The following RAPGEF1 variants were observed in gnomAD, a reference collection of about 807,000 sequenced individuals.
RAPGEF1 encodes the protein Rap guanine nucleotide exchange factor 1, also known as CRK SH3-binding GNRP.
RAPGEF1 carries 33 observed loss-of-function variants against 143.3 expected under a neutral mutation model. That is an observed-to-expected ratio of 0.23 (90% confidence interval 0.17 to 0.31). RAPGEF1 has a LOEUF of 0.31. RAPGEF1 is among the 10% of genes least tolerant of loss of function. The pLI, the probability that RAPGEF1 is intolerant of heterozygous loss-of-function variation, is 1.00. For missense variants in RAPGEF1, 1,199 were observed against 1,645.4 expected, an observed-to-expected ratio of 0.73 and a Z score of 4.69; for synonymous variants, 629 against 676.5, an observed-to-expected ratio of 0.93 and a Z score of 1.09.
chr9:131,708,111 C>T (rs558131798), intron 1 of RAPGEF1, among the ~76,000 whole-genome samples: 1 of 152,210 alleles, frequency 6.6e-6, no homozygotes. Flanking sequence ...AAATTAGCAT[C>T]CCACCTACTT....
rs772044608 is a variant in RAPGEF1, at chr9:131,584,506, G to C, written c.3312+12C>G. 5.4e-5 allele frequency: 87 copies of C among 1,613,824 alleles called. 1 individual carries two copies. In the South Asian group the frequency reaches 8.6e-4, roughly 16 times the overall value. The stretch of plus-strand genomic sequence containing the variant: ...GATGATGGGGGCCTGGGAAGGACTT[G>C]GCCACCATTACCTTCATGATCTTGA... On this transcript the variant is annotated intron_variant, in intron 23 of 26. Transcript: ENST00000683357. This position sits in a 1 kb window ranked among gnomAD's most constrained non-coding sequence, Gnocchi z 6.8.
intron 1 of RAPGEF1, among the ~76,000 whole-genome samples, chr9:131,739,058 C>G (rs1319589782): frequency 4.6e-5 from 7 of 152,212 alleles, no homozygotes; most frequent in Non-Finnish European, 1.5e-5. Context: ...TGGGGCCCCA[C>G]AGGCTCGACA....
In RAPGEF1 at chr9:131,583,523, G is replaced by C. The variant is rs921292030; in HGVS notation, c.3414+788C>G. ...CCTGACATGACCTCTGGGTGGTCTG[G>C]TCACACTCAGGTCCCTGACACAATC... On this transcript the variant is annotated intron_variant, in intron 24 of 26. Transcript: ENST00000683357. This position sits in a 1 kb window ranked among gnomAD's most constrained non-coding sequence, Gnocchi z 4.7. Among the ~76,000 whole-genome samples the C allele has an allele frequency of 2.0e-5, 3 of 149,852 alleles. No homozygotes were observed. The highest frequency in any genetic ancestry group is 7.4e-5 in the African/African-American group (3 of 40,536).
chr9:131,709,764 AAGGG>A (rs1835375270), intron 1 of RAPGEF1: 1 of 1,605,302 alleles, frequency 6.2e-7, no homozygotes, highest in African/African-American at 1.3e-5. Context: ...CACTGGCTGA[AAGGG>A]GATATCTCTT....
At chr9:131,649,919 A>G (rs767037240) in intron 3 of RAPGEF1, among the ~76,000 whole-genome samples, 5 of 152,184 alleles carry the variant, frequency 3.3e-5, no homozygotes, top group Non-Finnish European at 7.3e-5. Context: ...CTTTTGCCAC[A>G]AAGCTCTCTC....
chr9:131,655,828 C>G lies in RAPGEF1; in HGVS notation c.62-4879G>C, dbSNP rs1972315258. 6.6e-6 allele frequency among the ~76,000 whole-genome samples: 1 copy of G among 152,174 alleles called. No individual in the cohort carries two copies. Among genetic ancestry groups the G allele is most frequent in the African/African-American group, 2.4e-5 (1 of 41,426 alleles). ...GGTCTCGATCTCCTGACCTCGTGAT[C>G]CACCTGCCTTGGCCTCCCAAAGTGC... On this transcript the variant is annotated intron_variant, in intron 1 of 26. Transcript: ENST00000683357. This position sits in a 1 kb window ranked among gnomAD's most constrained non-coding sequence, Gnocchi z 4.1.
intron 16 of RAPGEF1, among the ~76,000 whole-genome samples, 154 bp from the exon 17 acceptor site, chr9:131,596,527 C>T (rs1051204601): frequency 1.1e-4 from 17 of 152,320 alleles, no homozygotes; most frequent in South Asian, 4.1e-4. Flanking sequence ...AGTGTGGCTG[C>T]GCTGCGAAGC....
chr9:131,737,541 C>T (rs1477871224), intron 1 of RAPGEF1: 1 of 1,607,882 alleles, frequency 6.2e-7, no homozygotes, highest in Non-Finnish European at 8.5e-7. Flanking sequence ...AGAAAAGGCC[C>T]AAGGACAAAC....
chr9:131,657,498 T>A (rs1972798755), intron 1 of RAPGEF1, among the ~76,000 whole-genome samples: 5 of 152,198 alleles, frequency 3.3e-5, no homozygotes, highest in Admixed American at 3.3e-4. Context: ...CATACAAATA[T>A]ATATATGTAC....
Position 131,626,067 on chromosome 9 carries a change from G to A in RAPGEF1, c.1557C>T (p.Val519=), listed in dbSNP as rs760152707. Reference sequence around the variant, plus strand: ...GAATAGCAGCAAAGGGCGCGTAGGGGACGGATGGGATCGGGGCTGTGCTCT... The same window carrying A: ...GAATAGCAGCAAAGGGCGCGTAGGGAACGGATGGGATCGGGGCTGTGCTCT... The part of the protein sequence containing the change: ...DLQSTAPIPS[V]PYAPFAAILP... Residue 519 remains valine, a synonymous_variant, in exon 10 of 27, where the codon GTC becomes GTT. Transcript: ENST00000683357. 1.3e-5 allele frequency: 21 copies of A among 1,613,980 alleles called. No homozygotes were observed. The South Asian group carries it at 2.3e-4, about 18-fold the overall frequency.
intron 1 of RAPGEF1, among the ~76,000 whole-genome samples, chr9:131,696,828 C>A (rs1834218515): frequency 6.6e-6 from 1 of 152,154 alleles, no homozygotes; most frequent in African/African-American, 2.4e-5. Context: ...TATCTTTAAC[C>A]AACGATTTAC....
intron 1 of RAPGEF1, among the ~76,000 whole-genome samples, chr9:131,671,977 CAT>C (rs1206580356): frequency 5.9e-5 from 9 of 152,208 alleles, no homozygotes; most frequent in Non-Finnish European, 1.3e-4. Context: ...CAACTTGAAA[CAT>C]GTGAAGACCC....
intron 1 of RAPGEF1, among the ~76,000 whole-genome samples, chr9:131,702,786 A>G (rs1271317568): frequency 6.6e-6 from 1 of 152,236 alleles, no homozygotes; most frequent in African/African-American, 2.4e-5. Context: ...AAAAGTGGAA[A>G]TAATTTCGAT....
intron 1 of RAPGEF1, among the ~76,000 whole-genome samples, chr9:131,735,644 C>T (rs117469583): frequency 1.3e-5 from 2 of 152,008 alleles, no homozygotes; most frequent in East Asian, 1.9e-4. Flanking sequence ...AACAAACAAA[C>T]ATGAATCATT....
chr9:131,708,952 C>T (rs1050920807), intron 1 of RAPGEF1, among the ~76,000 whole-genome samples: 2 of 152,182 alleles, frequency 1.3e-5, no homozygotes, highest in African/African-American at 2.4e-5. Context: ...AGGCTGGACT[C>T]GAACTCTTGA....
intron 1 of RAPGEF1, among the ~76,000 whole-genome samples, chr9:131,666,288 T>C (rs1261426299): frequency 6.6e-6 from 1 of 152,234 alleles, no homozygotes; most frequent in Non-Finnish European, 1.5e-5. Context: ...ACAAGAAAGA[T>C]TATACTGTTC....
intron 10 of RAPGEF1, among the ~76,000 whole-genome samples, 193 bp from the exon 11 acceptor site, chr9:131,622,191 G>A (rs780647984): frequency 3.9e-5 from 6 of 152,154 alleles, no homozygotes; most frequent in Admixed American, 6.5e-5. Context: ...GAGGAGACAC[G>A]TCCAGACCGG....
intron 25 of RAPGEF1, 48 bp from the exon 26 acceptor site, chr9:131,580,439 C>G (rs754875113): frequency 2.5e-6 from 4 of 1,594,758 alleles, no homozygotes; most frequent in Non-Finnish European, 3.4e-6. Context: ...GGTTTGGAAG[C>G]AGCAAGGGCT....
intron 6 of RAPGEF1, 86 bp downstream of exon 6, chr9:131,630,150 C>G: frequency 1.8e-5 from 22 of 1,211,174 alleles, no homozygotes; most frequent in Non-Finnish European, 2.4e-5. Context: ...CCTCATGCTG[C>G]CCACCCCACC....
Sources: allele counts gnomAD v4.1 joint callset (sites outside exome capture counted in the v4.1 genomes callset), GRCh38; gene constraint gnomAD v4.1.1; non-coding constraint Gnocchi (gnomAD v3.1); transcripts MANE v1.5; gene names NCBI Gene and HGNC (gene_info 2026-07-23, HGNC 2026-07-21).